PDE3B: variants seen among roughly 807,000 people sequenced by gnomAD.
PDE3B encodes the protein cGMP-inhibited 3',5'-cyclic phosphodiesterase 3B.
Under a neutral mutation model 116.8 loss-of-function variants are expected in PDE3B, and 66 were observed. That is an observed-to-expected ratio of 0.56 (90% confidence interval 0.46 to 0.69). The LOEUF (loss-of-function observed/expected upper bound fraction) is 0.69, where lower values mean the gene tolerates loss of function less well. Ranked by LOEUF, PDE3B falls within the 30% of genes least tolerant of loss-of-function variation. The pLI, the probability that PDE3B is intolerant of heterozygous loss-of-function variation, is 0.00. For missense variants in PDE3B, 1,384 were observed against 1,368.1 expected (o/e 1.01, Z -0.18); for synonymous variants, 595 against 533.6 (o/e 1.12, Z -1.59).
intron 1 of PDE3B, among the ~76,000 whole-genome samples, chr11:14,727,907 T>C (rs138985410): frequency 4.1e-4 from 62 of 152,258 alleles, no homozygotes; most frequent in Middle Eastern, 3.4e-3. Context: ...ATAGCAGGTT[T>C]ACACTTAAAT....
At chr11:14,743,753 T>C (rs1425166852) in intron 1 of PDE3B, among the ~76,000 whole-genome samples, 1 of 152,216 alleles carries the variant, frequency 6.6e-6, no homozygotes, top group African/African-American at 2.4e-5. Context: ...GCGTACTATC[T>C]GGGCCGCAAT....
chr11:14,886,467 A>G, the PDE3B span: 1 of 155,790 alleles, frequency 6.4e-6, no homozygotes, highest in East Asian at 1.9e-4. Flanking sequence ...CACAAAGTGA[A>G]TGAAGAGGGC....
intron 1 of PDE3B, among the ~76,000 whole-genome samples, chr11:14,655,853 G>A (rs936544340): frequency 6.6e-6 from 1 of 152,206 alleles, no homozygotes; most frequent in South Asian, 2.1e-4. Flanking sequence ...TGTAGAGTTA[G>A]TGTGGGAATG....
intron 1 of PDE3B, among the ~76,000 whole-genome samples, chr11:14,760,741 A>G (rs572368178): frequency 6.6e-6 from 1 of 152,208 alleles, no homozygotes; most frequent in Non-Finnish European, 1.5e-5. Flanking sequence ...CCACAAAAGT[A>G]ACCACTGTTC....
chr11:14,663,254 A>C (rs1808955239), intron 1 of PDE3B, among the ~76,000 whole-genome samples: 1 of 152,140 alleles, frequency 6.6e-6, no homozygotes, highest in Non-Finnish European at 1.5e-5. Context: ...AGACAAGCAA[A>C]TGCTGAGAGA....
chr11:14,845,722 C>T (rs918944969), intron 12 of PDE3B, among the ~76,000 whole-genome samples: 2 of 151,952 alleles, frequency 1.3e-5, no homozygotes, highest in African/African-American at 2.4e-5. Context: ...TGTGATCAAC[C>T]GGAAGAAAGG....
At chr11:14,761,527 C>T (rs1373880374) in intron 1 of PDE3B, among the ~76,000 whole-genome samples, 1 of 152,066 alleles carries the variant, frequency 6.6e-6, no homozygotes, top group Admixed American at 6.6e-5. Flanking sequence ...AGTTTTTTCT[C>T]AAAATGTAGT....
chr11:14,680,879 A>G (rs1022678987), intron 1 of PDE3B, among the ~76,000 whole-genome samples: 14 of 151,588 alleles, frequency 9.2e-5, no homozygotes, highest in African/African-American at 3.4e-4. Flanking sequence ...GATTTTATTC[A>G]TCAGTGTTTC....
chr11:14,761,268 T>TG (rs1857353326), intron 1 of PDE3B, among the ~76,000 whole-genome samples: 2 of 152,168 alleles, frequency 1.3e-5, no homozygotes, highest in South Asian at 4.1e-4. Context: ...TAAATGGTAA[T>TG]TTTTTCTTTG....
chr11:14,742,517 T>C (rs941119554), intron 1 of PDE3B, among the ~76,000 whole-genome samples: 2 of 152,216 alleles, frequency 1.3e-5, no homozygotes, highest in Non-Finnish European at 2.9e-5. Flanking sequence ...GCTTCCTTGC[T>C]TTGGGTTAGG....
intron 12 of PDE3B, among the ~76,000 whole-genome samples, chr11:14,851,783 C>T (rs1327112323): frequency 1.3e-5 from 2 of 152,042 alleles, no homozygotes; most frequent in Non-Finnish European, 2.9e-5. Context: ...AATCCTAGTC[C>T]TTTGGTGAAT....
intron 1 of PDE3B, among the ~76,000 whole-genome samples, chr11:14,704,635 G>A (rs751149637): frequency 2.6e-5 from 4 of 151,568 alleles, no homozygotes; most frequent in Non-Finnish European, 4.4e-5. Flanking sequence ...AAGGTGGTAG[G>A]GCATTTCAAA....
chr11:14,760,177 TA>T (rs1389136770), intron 1 of PDE3B, among the ~76,000 whole-genome samples: 12 of 152,150 alleles, frequency 7.9e-5, no homozygotes, highest in Non-Finnish European at 1.6e-4. Flanking sequence ...ACAGTTTATT[TA>T]AAAGTGAGGA....
chr11:14,897,299 C>G, the PDE3B span, among the ~76,000 whole-genome samples: 1 of 151,874 alleles, frequency 6.6e-6, no homozygotes, highest in African/African-American at 2.4e-5. Context: ...GCCCTAATAC[C>G]CTGATGATGA....
chr11:14,790,921 GTC>G lies in PDE3B; in HGVS notation c.1415+1681_1415+1682del, dbSNP rs551482861. On this transcript the variant is annotated intron_variant, in intron 4 of 15. Coordinates refer to ENST00000282096, the MANE Select transcript of PDE3B (RefSeq NM_000922.4). ...AGATTCAAATCTCTGGATCAGTGCTGTCTAATAGAAATTTTTGCAATGATGGA... is the reference window on the plus strand; with the variant it reads ...AGATTCAAATCTCTGGATCAGTGCTGTAATAGAAATTTTTGCAATGATGGA... Among the ~76,000 whole-genome samples the G allele has an allele frequency of 5.3e-4, 81 of 152,118 alleles. 1 individual carries two copies. The highest frequency in any genetic ancestry group is 1.9e-3 in the African/African-American group (80 of 41,528).
Position 14,778,033 on chromosome 11 carries a change from CG to C in PDE3B, c.1029+6052del, listed in dbSNP as rs201144565. Reference sequence around the variant, plus strand: ...AGGAGATTATGTCCTGTGCCTGGCTCGGGGGGTTCCACACCCACGGAACCTC... The same window carrying C: ...AGGAGATTATGTCCTGTGCCTGGCTCGGGGGTTCCACACCCACGGAACCTC... On this transcript the variant is annotated intron_variant, in intron 2 of 15. Coordinates refer to ENST00000282096, the MANE Select transcript of PDE3B (RefSeq NM_000922.4). Among the ~76,000 whole-genome samples the C allele has an allele frequency of 3.5e-4, 53 of 152,260 alleles. No individual in the cohort carries two copies. The East Asian group carries it at 9.7e-3, about 28-fold the overall frequency.
In PDE3B at chr11:14,771,920, T is replaced by A; in HGVS notation, c.979-17T>A. Reference sequence around the variant, plus strand: ...TGTTTATTTTTGGTTTGTAACCAAGTGAATTTTTTTTTCTAGATGATTCTT... The same window carrying A: ...TGTTTATTTTTGGTTTGTAACCAAGAGAATTTTTTTTTCTAGATGATTCTT... On this transcript the variant is annotated splice_polypyrimidine_tract_variant and intron_variant, in intron 1 of 15. Coordinates refer to ENST00000282096, the MANE Select transcript of PDE3B (RefSeq NM_000922.4). 1 of 1,256,276 alleles carries A rather than the reference T, an allele frequency of 8.0e-7. No individual in the cohort carries two copies. 77.8% of individuals were successfully genotyped at this position (1,256,276 alleles called of 1,614,324 possible). A position where few individuals can be genotyped will look rare whatever the true frequency, so the allele number is the denominator to read the frequency against.
At chr11:14,768,102 C>G (rs57391411) in intron 1 of PDE3B, among the ~76,000 whole-genome samples, 1 of 151,088 alleles carries the variant, frequency 6.6e-6, no homozygotes, top group East Asian at 1.9e-4. Context: ...ACATTTTTTT[C>G]TGATGATTGC....
At chr11:14,791,150 A>G (rs1858374819) in intron 4 of PDE3B, among the ~76,000 whole-genome samples, 2 of 152,116 alleles carry the variant, frequency 1.3e-5, no homozygotes. Context: ...CTAGATCTTT[A>G]ATGCGTAGTG....
Sources: allele counts gnomAD v4.1 joint callset (sites outside exome capture counted in the v4.1 genomes callset), GRCh38; gene constraint gnomAD v4.1.1; transcripts MANE v1.5; gene names NCBI Gene and HGNC (gene_info 2026-07-23, HGNC 2026-07-21).